SLC23A2: variants seen among roughly 807,000 people sequenced by gnomAD.
SLC23A2 encodes the protein Na(+)/L-ascorbic acid transporter 2.
SLC23A2 carries 36 observed loss-of-function variants against 73.3 expected under a neutral mutation model. The ratio of observed to expected loss-of-function variants is 0.49; its 90% CI spans 0.38 to 0.65. The LOEUF is 0.65. Ranked by LOEUF, SLC23A2 falls within the 30% of genes least tolerant of loss-of-function variation. The pLI, the probability that SLC23A2 is intolerant of heterozygous loss-of-function variation, is 0.00. For synonymous variants in SLC23A2, 343 were observed against 327.3 expected, an observed-to-expected ratio of 1.05 and a Z score of -0.52; for missense variants, 507 against 841.6, an observed-to-expected ratio of 0.60 and a Z score of 4.92.
intron 2 of SLC23A2, among the ~76,000 whole-genome samples, chr20:4,953,462 A>C (rs1449133353): frequency 6.6e-6 from 1 of 152,186 alleles, no homozygotes; most frequent in Non-Finnish European, 1.5e-5. Flanking sequence ...AACTATGACA[A>C]TTAGAGAAAC....
chr20:4,954,849 A>G (rs922408561), intron 2 of SLC23A2, among the ~76,000 whole-genome samples: 1 of 152,172 alleles, frequency 6.6e-6, no homozygotes, highest in Non-Finnish European at 1.5e-5. Context: ...AGGCAATGAG[A>G]TACATAACCT....
rs1173247381 is a variant in SLC23A2 at position 4,947,570 on chromosome 20, C to T, written c.-154-14854G>A. On this transcript the variant is annotated intron_variant, in intron 2 of 16. Transcript: ENST00000338244. The surrounding 1 kb of genome is among the most constrained non-coding windows in gnomAD (Gnocchi z 4.4). ...GCATAATGAACTATCAAGTCCCAGG[C>T]ACAAACATGGTTTCACTTAGCCCTT... is the stretch of plus-strand genomic sequence containing the variant. Among the ~76,000 whole-genome samples, 1 of 152,168 alleles carries T rather than the reference C, an allele frequency of 6.6e-6. No homozygotes were observed. Among genetic ancestry groups the T allele is most frequent in the Non-Finnish European group, 1.5e-5 (1 of 68,032 alleles).
chr20:4,869,495 T>C, intron 12 of SLC23A2: 1 of 158,180 alleles, frequency 6.3e-6, no homozygotes, highest in South Asian at 1.9e-4. Context: ...TCTATATATA[T>C]ATATAGACAG....
At chr20:4,967,693 C>T (rs771695356) in intron 2 of SLC23A2, among the ~76,000 whole-genome samples, 2 of 152,228 alleles carry the variant, frequency 1.3e-5, no homozygotes, top group East Asian at 1.9e-4. Flanking sequence ...ACATAGGCCT[C>T]TTGGAAATCA....
At chr20:4,915,011 G>C (rs1182169334) in intron 3 of SLC23A2, among the ~76,000 whole-genome samples, 2 of 151,948 alleles carry the variant, frequency 1.3e-5, no homozygotes, top group African/African-American at 4.8e-5. Context: ...GCAAGACATC[G>C]ACTCTAAATA....
chr20:4,923,227 C>A (rs1286626362), intron 3 of SLC23A2, among the ~76,000 whole-genome samples: 2 of 128,586 alleles, frequency 1.6e-5, no homozygotes, highest in Admixed American at 2.0e-4. Flanking sequence ...GGCAATGTAG[C>A]GAGACCCCAT....
chr20:4,988,261 C>T (rs910771419), intron 1 of SLC23A2, among the ~76,000 whole-genome samples: 15 of 151,960 alleles, frequency 9.9e-5, no homozygotes, highest in African/African-American at 3.6e-4. Flanking sequence ...AAGATCACAC[C>T]ATTGTACTCC....
intron 1 of SLC23A2, among the ~76,000 whole-genome samples, chr20:4,975,880 G>T (rs2087637352): frequency 6.7e-6 from 1 of 148,250 alleles, no homozygotes; most frequent in Non-Finnish European, 1.5e-5. Context: ...TTGAGACAGA[G>T]TCTCGCTCTG....
intron 1 of SLC23A2, among the ~76,000 whole-genome samples, chr20:4,982,280 A>G (rs1436823865): frequency 6.6e-6 from 1 of 152,218 alleles, no homozygotes; most frequent in Non-Finnish European, 1.5e-5. Flanking sequence ...GGCGTGAGCC[A>G]CCGTGCCCGG....
chr20:4,972,446 T>C (rs1027418554), intron 1 of SLC23A2, among the ~76,000 whole-genome samples: 1 of 151,478 alleles, frequency 6.6e-6, no homozygotes, highest in African/African-American at 2.4e-5. Context: ...AATGAAGAAA[T>C]TGATGTCTTT....
At chr20:4,932,116 T>C (rs1223750275) in intron 3 of SLC23A2, among the ~76,000 whole-genome samples, 1 of 152,190 alleles carries the variant, frequency 6.6e-6, no homozygotes, top group Non-Finnish European at 1.5e-5. Flanking sequence ...GCAATATGAG[T>C]GTGATGTTGG....
chr20:4,928,048 T>C (rs1359429811), intron 3 of SLC23A2, among the ~76,000 whole-genome samples: 2 of 152,166 alleles, frequency 1.3e-5, no homozygotes, highest in African/African-American at 2.4e-5. Context: ...TTATTTTATA[T>C]ATATTTTGGA....
intron 2 of SLC23A2, among the ~76,000 whole-genome samples, chr20:4,949,028 G>A (rs1213208687): frequency 2.0e-5 from 3 of 152,124 alleles, no homozygotes; most frequent in Non-Finnish European, 4.4e-5. Flanking sequence ...GCTCACACAT[G>A]TAACCCCTGC....
At chr20:4,940,828 G>A (rs2087029201) in intron 2 of SLC23A2, among the ~76,000 whole-genome samples, 1 of 152,154 alleles carries the variant, frequency 6.6e-6, no homozygotes, top group South Asian at 2.1e-4. Flanking sequence ...GGACTTGGGG[G>A]GGCGGTCAAT....
intron 1 of SLC23A2, among the ~76,000 whole-genome samples, chr20:4,979,697 A>G (rs973270007): frequency 2.0e-5 from 3 of 152,202 alleles, no homozygotes; most frequent in East Asian, 1.9e-4. Flanking sequence ...TAAGAAATCT[A>G]TAAAATACTT....
At chr20:4,969,407 A>T (rs958133190) in intron 2 of SLC23A2, among the ~76,000 whole-genome samples, 2 of 152,116 alleles carry the variant, frequency 1.3e-5, no homozygotes, top group African/African-American at 4.8e-5. Flanking sequence ...AAGTCTTAAA[A>T]TTTTTTTAAA....
intron 2 of SLC23A2, among the ~76,000 whole-genome samples, chr20:4,966,241 G>A (rs1052506758): frequency 2.6e-5 from 4 of 152,138 alleles, no homozygotes; most frequent in African/African-American, 9.7e-5. Flanking sequence ...GGAAAAAGGT[G>A]AGGAAGGGGA....
At chr20:4,997,363 C>T (rs1006853783) in intron 1 of SLC23A2, among the ~76,000 whole-genome samples, 2 of 152,114 alleles carry the variant, frequency 1.3e-5, no homozygotes, top group African/African-American at 4.8e-5. Context: ...TTCTCCCCTC[C>T]TCCTGCCTCA....
At chr20:4,976,690 G>C (rs2087648423) in intron 1 of SLC23A2, among the ~76,000 whole-genome samples, 1 of 145,130 alleles carries the variant, frequency 6.9e-6, no homozygotes, top group Admixed American at 6.9e-5. Context: ...AAAAAAGAGA[G>C]TCTGCCGGGC....
Sources: allele counts gnomAD v4.1 joint callset (sites outside exome capture counted in the v4.1 genomes callset), GRCh38; gene constraint gnomAD v4.1.1; non-coding constraint Gnocchi (gnomAD v3.1); transcripts MANE v1.5; gene names NCBI Gene and HGNC (gene_info 2026-07-23, HGNC 2026-07-21).